The following TAFA1 variants were observed in gnomAD, a reference collection of about 807,000 sequenced individuals.
TAFA1 encodes the protein TAFA chemokine like family member 1, also known as chemokine-like protein TAFA-1.
Under a neutral mutation model 18.5 loss-of-function variants are expected in TAFA1, and 4 were observed. The observed-to-expected ratio is 0.22, with a 90% confidence interval of 0.11 to 0.49. The LOEUF (loss-of-function observed/expected upper bound fraction) is 0.49. Ranked by LOEUF, TAFA1 falls within the 20% of genes least tolerant of loss-of-function variation. The pLI is 0.98. For synonymous variants in TAFA1, 56 were observed against 55.2 expected (o/e 1.01, Z -0.06); for missense variants, 147 against 169.0 (o/e 0.87, Z 0.72).
At chr3:68,245,053 G>A (rs1370593465) in intron 2 of TAFA1, among the ~76,000 whole-genome samples, 1 of 152,142 alleles carries the variant, frequency 6.6e-6, no homozygotes. Context: ...TGTATAGTCA[G>A]GACCGATGAC....
At chr3:68,108,693 C>A (rs899256476) in intron 2 of TAFA1, among the ~76,000 whole-genome samples, 4 of 151,868 alleles carry the variant, frequency 2.6e-5, no homozygotes, top group African/African-American at 9.7e-5. Flanking sequence ...ACTGTCATTG[C>A]TGATTAGATG....
chr3:68,083,321 T>G (rs1437617991), intron 2 of TAFA1, among the ~76,000 whole-genome samples: 1 of 152,274 alleles, frequency 6.6e-6, no homozygotes, highest in African/African-American at 2.4e-5. Flanking sequence ...TAATCACTTT[T>G]GCCTTTGTTT....
chr3:68,216,488 G>T (rs1428781944), intron 2 of TAFA1, among the ~76,000 whole-genome samples: 1 of 152,070 alleles, frequency 6.6e-6, no homozygotes, highest in Non-Finnish European at 1.5e-5. Flanking sequence ...ATAAGACTGT[G>T]CATAAGCACT....
chr3:68,429,088 T>G (rs77196102), intron 3 of TAFA1, among the ~76,000 whole-genome samples: 2,198 of 152,074 alleles, frequency 0.014, 62 homozygotes, highest in African/African-American at 0.05. Context: ...GCAGCCCATT[T>G]GTGTTCCCCA....
chr3:68,017,938 G>T (rs375627435), intron 2 of TAFA1, among the ~76,000 whole-genome samples: 4 of 150,574 alleles, frequency 2.7e-5, no homozygotes, highest in African/African-American at 9.8e-5. Flanking sequence ...GTGATTTTGT[G>T]TTGGACTTTG....
At chr3:68,270,585 T>C (rs1575733249) in intron 2 of TAFA1, among the ~76,000 whole-genome samples, 1 of 152,264 alleles carries the variant, frequency 6.6e-6, no homozygotes, top group East Asian at 1.9e-4. Context: ...AAGGACCAGG[T>C]TATCTGTGGA....
Position 68,019,344 on chromosome 3 carries a change from C to T in TAFA1, c.118+12600C>T, listed in dbSNP as rs147405825. Among the ~76,000 whole-genome samples the T allele has an allele frequency of 9.1e-4, 138 of 152,224 alleles. 2 individuals are homozygous for T. The highest frequency in any genetic ancestry group is 3.0e-3 in the African/African-American group (123 of 41,524). ...CATTTTTTACAGAGTTATTGTTTCC[C>T]AATAAATTCTTTTAGACTCCATAGA... is the stretch of plus-strand genomic sequence containing the variant. On this transcript the variant is annotated intron_variant, in intron 2 of 4. Coordinates refer to ENST00000478136, the MANE Select transcript of TAFA1 (RefSeq NM_213609.4).
At chr3:68,073,805 GTGA>G (rs777929294) in intron 2 of TAFA1, among the ~76,000 whole-genome samples, 1 of 152,062 alleles carries the variant, frequency 6.6e-6, no homozygotes, top group South Asian at 2.1e-4. Context: ...GATGGTGATG[GTGA>G]TGATGATATG....
chr3:68,127,602 A>G (rs79545553), intron 2 of TAFA1, among the ~76,000 whole-genome samples: 125 of 176 alleles, frequency 0.71, 47 homozygotes, highest in Non-Finnish European at 0.8. Flanking sequence ...AGTGGATGAT[A>G]GTGGTGGTGG....
intron 2 of TAFA1, among the ~76,000 whole-genome samples, chr3:68,184,504 C>G (rs1358273902): frequency 6.6e-6 from 1 of 152,086 alleles, no homozygotes; most frequent in Non-Finnish European, 1.5e-5. Context: ...GATTTTTATT[C>G]TCTATAAGGA....
chr3:68,467,990 T>G, intron 3 of TAFA1, among the ~76,000 whole-genome samples: 1 of 152,192 alleles, frequency 6.6e-6, no homozygotes, highest in East Asian at 1.9e-4. Flanking sequence ...CCTCTGTCTT[T>G]TAAAAGTAAA....
chr3:68,116,238 A>G (rs974271938), intron 2 of TAFA1, among the ~76,000 whole-genome samples: 2 of 150,416 alleles, frequency 1.3e-5, no homozygotes, highest in Non-Finnish European at 2.9e-5. Flanking sequence ...CTGGGCGACA[A>G]AGCAAGATGC....
At chr3:68,332,954 A>G (rs933969592) in intron 2 of TAFA1, among the ~76,000 whole-genome samples, 1 of 152,244 alleles carries the variant, frequency 6.6e-6, no homozygotes, top group African/African-American at 2.4e-5. Flanking sequence ...ACAATTAAAT[A>G]ACATTTCACA....
At chr3:68,155,909 T>G (rs540197970) in intron 2 of TAFA1, among the ~76,000 whole-genome samples, 1 of 152,220 alleles carries the variant, frequency 6.6e-6, no homozygotes, top group African/African-American at 2.4e-5. Flanking sequence ...TACTAATTGA[T>G]CCAAGCCTGC....
At chr3:68,081,256 G>A (rs929014367) in intron 2 of TAFA1, among the ~76,000 whole-genome samples, 4 of 151,976 alleles carry the variant, frequency 2.6e-5, no homozygotes, top group Admixed American at 1.3e-4. Flanking sequence ...CCTTTGGTTT[G>A]AATGTCCTCC....
chr3:68,050,832 A>G (rs2064462272), intron 2 of TAFA1, among the ~76,000 whole-genome samples: 1 of 152,170 alleles, frequency 6.6e-6, no homozygotes, highest in African/African-American at 2.4e-5. Context: ...ACCAAAGACA[A>G]TAAGTAAATG....
At chr3:68,414,103 G>A (rs1391882404) in intron 2 of TAFA1, among the ~76,000 whole-genome samples, 2 of 152,016 alleles carry the variant, frequency 1.3e-5, no homozygotes, top group South Asian at 2.1e-4. Flanking sequence ...TCGGGAGTTC[G>A]AGACCATCCT....
intron 3 of TAFA1, among the ~76,000 whole-genome samples, chr3:68,480,859 A>G (rs1167559554): frequency 6.6e-6 from 1 of 152,154 alleles, no homozygotes; most frequent in Admixed American, 6.5e-5. Flanking sequence ...GTGAGAGATA[A>G]TTGAATTATA....
At chr3:68,280,418 G>A (rs2067877614) in intron 2 of TAFA1, among the ~76,000 whole-genome samples, 1 of 152,082 alleles carries the variant, frequency 6.6e-6, no homozygotes, top group Non-Finnish European at 1.5e-5. Context: ...TCATTGTTAG[G>A]CAGTCTCAAC....
Sources: allele counts gnomAD v4.1 joint callset (sites outside exome capture counted in the v4.1 genomes callset), GRCh38; gene constraint gnomAD v4.1.1; transcripts MANE v1.5; gene names NCBI Gene and HGNC (gene_info 2026-07-23, HGNC 2026-07-21).